PIGH: variants seen among roughly 807,000 people sequenced by gnomAD.
PIGH encodes phosphatidylinositol N-acetylglucosaminyltransferase subunit H.
A neutral mutation model predicts 20.1 loss-of-function variants in PIGH; 11 were observed. The observed-to-expected ratio is 0.55, with a 90% confidence interval of 0.34 to 0.91. PIGH has a LOEUF of 0.91. Ranked by LOEUF, PIGH falls within the 40% of genes least tolerant of loss-of-function variation. The pLI, the probability that PIGH is intolerant of heterozygous loss-of-function variation, is 0.02. For synonymous variants in PIGH, 72 were observed against 93.1 expected (o/e 0.77, Z 1.31); for missense variants, 189 against 233.6 (o/e 0.81, Z 1.24).
In PIGH at chr14:67,600,225, G is replaced by C. The variant is rs1465253437; in HGVS notation, c.-22C>G. On this transcript the variant is annotated 5_prime_UTR_variant, in exon 1 of 4. Coordinates refer to ENST00000216452, the MANE Select transcript of PIGH (RefSeq NM_004569.5). Reference sequence around the variant, plus strand: ...CCATGACGCCCCCACTCGGCCGCCCGCACCGCGCGGCGCTGCACTGCGCTC... The same window carrying C: ...CCATGACGCCCCCACTCGGCCGCCCCCACCGCGCGGCGCTGCACTGCGCTC... The C allele has an allele frequency of 6.5e-7, 1 of 1,543,504 alleles. No homozygotes were observed.
chr14:67,597,776 A>G (rs1320442446), intron 1 of PIGH, among the ~76,000 whole-genome samples: 1 of 152,186 alleles, frequency 6.6e-6, no homozygotes, highest in African/African-American at 2.4e-5. Context: ...AAAAAAAGAC[A>G]TTAAAGCACA....
At chr14:67,594,510 G>C (rs1251938465) in intron 1 of PIGH, among the ~76,000 whole-genome samples, 5 of 151,764 alleles carry the variant, frequency 3.3e-5, no homozygotes, top group Admixed American at 3.3e-4. Flanking sequence ...AGCTGGGCGT[G>C]TTGGCACGTG....
chr14:67,589,526 T>G lies in PIGH; in HGVS notation c.*554A>C, dbSNP rs1487690521. 1.0e-6 allele frequency: 1 copy of G among 985,080 alleles called. No individual in the cohort carries two copies. Among genetic ancestry groups the G allele is most frequent in the Admixed American group, 6.2e-5 (1 of 16,258 alleles). 61.0% of individuals were successfully genotyped at this position (985,080 alleles called of 1,614,324 possible). On this transcript the variant is annotated 3_prime_UTR_variant, in exon 4 of 4. Coordinates refer to ENST00000216452, the MANE Select transcript of PIGH (RefSeq NM_004569.5). ...TTTGTCAATAAAAAGCAGCTATCTG[T>G]GAACCAGGTAACTGTGTGTTTTGGA...
rs192631436 is a variant in PIGH at position 67,599,108 on chromosome 14, G to A, written c.180+916C>T. ...GCTAAATTACCATGCTCTGAAACAC[G>A]CTTTGACAGCAAAAAAGCGAATGGA... is the stretch of plus-strand genomic sequence containing the variant. On this transcript the variant is annotated intron_variant, in intron 1 of 3. Transcript: ENST00000216452. 6.6e-5 allele frequency among the ~76,000 whole-genome samples: 10 copies of A among 152,210 alleles called. No homozygotes were observed. In the East Asian group the frequency reaches 1.9e-3, roughly 29 times the overall value.
chr14:67,591,530 A>G (rs998225120), intron 3 of PIGH, among the ~76,000 whole-genome samples: 2 of 152,134 alleles, frequency 1.3e-5, no homozygotes, highest in Non-Finnish European at 2.9e-5. Flanking sequence ...GTAATTTATT[A>G]TGTTTGTATA....
chr14:67,590,249 ATTTTTTTT>A (rs34186099), intron 3 of PIGH, 77 bp from the exon 4 acceptor site: 3 of 733,180 alleles, frequency 4.1e-6, no homozygotes, highest in Admixed American at 4.0e-5. Flanking sequence ...CCACTTGCAA[ATTTTTTTT>A]TTTTTTTTTT....
chr14:67,593,699 C>T, intron 2 of PIGH, 44 bp downstream of exon 2: 2 of 1,174,880 alleles, frequency 1.7e-6, no homozygotes, highest in Non-Finnish European at 1.3e-6. Context: ...GGGCTGGCTA[C>T]CTCCTCCAGA....
chr14:67,593,827 T>C lies in PIGH; in HGVS notation c.306A>G (p.Ser102=). ...IIDSLGIQMT[S]SYASGKESTT... ...TGCTTTCTTTGCCTGAAGCATAAGATGAAGTCATCTGAATGCCAAGGGAAT... is the reference window on the plus strand; with the variant it reads ...TGCTTTCTTTGCCTGAAGCATAAGACGAAGTCATCTGAATGCCAAGGGAAT... The change falls in exon 2 of 4, where the codon TCA becomes TCG. Residue 102 remains serine (S), a synonymous_variant. Coordinates refer to ENST00000216452, the MANE Select transcript of PIGH (RefSeq NM_004569.5). 4.3e-6 allele frequency: 7 copies of C among 1,613,236 alleles called. No individual in the cohort carries two copies. The highest frequency in any genetic ancestry group is 5.9e-6 in the Non-Finnish European group (7 of 1,179,180).
At chr14:67,597,721 G>A (rs1468831907) in intron 1 of PIGH, among the ~76,000 whole-genome samples, 1 of 151,204 alleles carries the variant, frequency 6.6e-6, no homozygotes, top group Non-Finnish European at 1.5e-5. Flanking sequence ...TATTCTGGAG[G>A]ATACTCTGAT....
intron 2 of PIGH, among the ~76,000 whole-genome samples, chr14:67,593,046 C>G (rs1213583305): frequency 6.6e-6 from 1 of 152,234 alleles, no homozygotes; most frequent in Non-Finnish European, 1.5e-5. Context: ...CTTGGCCTCC[C>G]AAAGTGCTGG....
At chr14:67,592,875 T>C in intron 2 of PIGH, 157 bp from the exon 3 acceptor site, 1 of 520,936 alleles carries the variant, frequency 1.9e-6, no homozygotes, top group Non-Finnish European at 3.5e-6. Flanking sequence ...AACCTCTACC[T>C]CCCAGGTTCA....
At position 67,592,832 on chromosome 14, in the gene PIGH, C is replaced by G. The variant is rs1045024382; in HGVS notation, c.391-114G>C. 5.3e-5 allele frequency: 37 copies of G among 700,854 alleles called. 1 individual carries two copies. The highest frequency in any genetic ancestry group is 3.9e-4 in the South Asian group (22 of 56,274). The allele number at this position is 700,854 out of a possible 1,614,324, so 43.4% of individuals were successfully genotyped here. The stretch of plus-strand genomic sequence containing the variant: ...ACAGAGTCTCTCTCTGTTGCCCAAG[C>G]TGCAGTGCAGTGGCGCAATCTCGGC... On this transcript the variant is annotated intron_variant, in intron 2 of 3. Coordinates refer to ENST00000216452, the MANE Select transcript of PIGH (RefSeq NM_004569.5).
At position 67,589,583 on chromosome 14, in the gene PIGH, C is replaced by T. The variant is rs1251805569; in HGVS notation, c.*497G>A. The T allele has an allele frequency of 1.0e-6, 1 of 985,442 alleles. No individual in the cohort carries two copies. Among genetic ancestry groups the T allele is most frequent in the Non-Finnish European group, 1.2e-6 (1 of 830,096 alleles). 61.0% of individuals were successfully genotyped at this position (985,442 alleles called of 1,614,324 possible). ...GTTTATTAACAGTAAATAAATAAGC[C>T]CTGTACAGAACACAGGCACTAGGTT... On this transcript the variant is annotated 3_prime_UTR_variant, in exon 4 of 4. Coordinates refer to ENST00000216452, the MANE Select transcript of PIGH (RefSeq NM_004569.5).
chr14:67,590,707 A>G (rs2036345676), intron 3 of PIGH, among the ~76,000 whole-genome samples: 1 of 152,196 alleles, frequency 6.6e-6, no homozygotes, highest in Non-Finnish European at 1.5e-5. Context: ...TAAATGACAC[A>G]GCAGTGAGCT....
chr14:67,596,198 G>A (rs753671723), intron 1 of PIGH, among the ~76,000 whole-genome samples: 7 of 150,924 alleles, frequency 4.6e-5, no homozygotes, highest in Non-Finnish European at 8.8e-5. Flanking sequence ...GTGTGATCTC[G>A]GTTCACTGCA....
chr14:67,590,586 T>C (rs1311742001), intron 3 of PIGH, among the ~76,000 whole-genome samples: 1 of 152,204 alleles, frequency 6.6e-6, no homozygotes, highest in Admixed American at 6.5e-5. Flanking sequence ...CTTGAACTCC[T>C]GGCCTTAAGT....
intron 3 of PIGH, among the ~76,000 whole-genome samples, chr14:67,590,840 A>G (rs2036349208): frequency 1.3e-5 from 2 of 152,234 alleles, no homozygotes; most frequent in Admixed American, 1.3e-4. Flanking sequence ...ATCTGTCTAA[A>G]TTTCATGAAC....
At position 67,590,008 on chromosome 14, in the gene PIGH, C is replaced by T. The variant is rs1453725321; in HGVS notation, c.*72G>A. On this transcript the variant is annotated 3_prime_UTR_variant, in exon 4 of 4. Coordinates refer to ENST00000216452, the MANE Select transcript of PIGH (RefSeq NM_004569.5). ...TGTGTCCACCTGATGGTTTGGAGTACGGAAAACCAGCCCCTATGGCTTAAG... is the reference window on the plus strand; with the variant it reads ...TGTGTCCACCTGATGGTTTGGAGTATGGAAAACCAGCCCCTATGGCTTAAG... 9.5e-6 allele frequency: 14 copies of T among 1,481,304 alleles called. No individual in the cohort carries two copies. The highest frequency in any genetic ancestry group is 5.7e-5 in the African/African-American group (4 of 70,712). 91.8% of individuals were successfully genotyped at this position (1,481,304 alleles called of 1,614,324 possible). A position where few individuals can be genotyped will look rare whatever the true frequency, so the allele number is the denominator to read the frequency against.
chr14:67,594,049 T>C, intron 1 of PIGH, 97 bp from the exon 2 acceptor site: 2 of 781,942 alleles, frequency 2.6e-6, no homozygotes, highest in Admixed American at 2.2e-5. Flanking sequence ...AGGAAATTGC[T>C]TTTATTTGGG....
Sources: allele counts gnomAD v4.1 joint callset (sites outside exome capture counted in the v4.1 genomes callset), GRCh38; gene constraint gnomAD v4.1.1; transcripts MANE v1.5; gene names NCBI Gene and HGNC (gene_info 2026-07-23, HGNC 2026-07-21).